Variants in METTL2A observed in about 807,000 individuals in gnomAD.
METTL2A encodes tRNA N(3)-cytidine methyltransferase METTL2A.
Under a neutral mutation model 49.4 loss-of-function variants are expected in METTL2A, and 45 were observed. The observed-to-expected ratio is 0.91, with a 90% CI of 0.72 to 1.17. The LOEUF (loss-of-function observed/expected upper bound fraction) is 1.17, where lower values mean the gene tolerates loss of function less well. Ranked by LOEUF, METTL2A falls within the 50% of genes most tolerant of loss-of-function variation. The pLI, the probability that METTL2A is intolerant of heterozygous loss-of-function variation, is 0.00. For missense variants in METTL2A, 361 were observed against 462.2 expected (o/e 0.78, Z 2.01); for synonymous variants, 118 against 167.5 (o/e 0.70, Z 2.28).
At position 62,449,356 on chromosome 17, in the gene METTL2A, A is replaced by G; in HGVS notation, c.*627A>G. 2.3e-6 allele frequency: 1 copy of G among 441,470 alleles called. No homozygotes were observed. Among genetic ancestry groups the G allele is most frequent in the South Asian group, 1.6e-5 (1 of 62,270 alleles). The allele number at this position is 441,470 out of a possible 1,614,324, so 27.3% of individuals were successfully genotyped here. A position where few individuals can be genotyped will look rare whatever the true frequency, so the allele number is the denominator to read the frequency against. On this transcript the variant is annotated 3_prime_UTR_variant, in exon 9 of 9. Transcript: ENST00000311506. Reference sequence around the variant, plus strand: ...GATATTTTCCTGACAAAAAAAAATGACCCTACAGAGAGCATCAAAATGTGG... The same window carrying G: ...GATATTTTCCTGACAAAAAAAAATGGCCCTACAGAGAGCATCAAAATGTGG...
intron 6 of METTL2A, among the ~76,000 whole-genome samples, chr17:62,442,046 G>A (rs1423624755): frequency 2.6e-5 from 4 of 151,788 alleles, no homozygotes; most frequent in Non-Finnish European, 4.4e-5. Flanking sequence ...GAGCCACCAC[G>A]CCCAGCCTAT....
At chr17:62,427,695 A>G in intron 3 of METTL2A, 93 bp from the exon 4 acceptor site, 3 of 1,588,712 alleles carry the variant, frequency 1.9e-6, no homozygotes, top group Non-Finnish European at 1.7e-6. Flanking sequence ...CAGTTAGGCC[A>G]GATTCTTGTT....
intron 6 of METTL2A, among the ~76,000 whole-genome samples, chr17:62,441,525 C>T (rs1002597165): frequency 1.3e-5 from 2 of 152,124 alleles, no homozygotes; most frequent in Non-Finnish European, 2.9e-5. Context: ...AGGCTCATTG[C>T]AACCTCCACC....
intron 5 of METTL2A, among the ~76,000 whole-genome samples, chr17:62,437,263 G>T (rs1197007760): frequency 6.6e-6 from 1 of 151,544 alleles, no homozygotes; most frequent in Middle Eastern, 3.2e-3. Context: ...GATTCCATTG[G>T]GGTTCTTTGA....
intron 5 of METTL2A, 77 bp from the exon 6 acceptor site, chr17:62,440,540 A>G: frequency 6.6e-7 from 1 of 1,518,108 alleles, no homozygotes; most frequent in Non-Finnish European, 8.8e-7. Flanking sequence ...TTACATTTAA[A>G]ATTTAAAACA....
At chr17:62,425,222 A>G (rs908996830) in intron 2 of METTL2A, among the ~76,000 whole-genome samples, 1 of 151,446 alleles carries the variant, frequency 6.6e-6, no homozygotes, top group Admixed American at 6.6e-5. Context: ...TTGTTAACAC[A>G]CTTCTTAGTG....
rs749955623 is a variant in METTL2A, at chr17:62,448,570, A to G, written c.983-5A>G. On this transcript the variant is annotated splice_region_variant and splice_polypyrimidine_tract_variant and intron_variant, in intron 8 of 8. Coordinates refer to ENST00000311506, the MANE Select transcript of METTL2A (RefSeq NM_181725.4). ...TGCATAAACATCTTTTATTTTCCAC[A>G]CTAGAGGAACTGGACACGCTTTTCA... The G allele has an allele frequency of 6.2e-7, 1 of 1,612,468 alleles. No individual in the cohort carries two copies. Among genetic ancestry groups the G allele is most frequent in the East Asian group, 2.2e-5 (1 of 44,882 alleles).
At position 62,449,270 on chromosome 17, in the gene METTL2A, A is replaced by G. The variant is rs7220895; in HGVS notation, c.*541A>G. 2.3e-3 allele frequency: 809 copies of G among 352,398 alleles called. 7 individuals are homozygous for G. The highest frequency in any genetic ancestry group is 0.016 in the African/African-American group (728 of 44,396). 21.8% of individuals were successfully genotyped at this position (352,398 alleles called of 1,614,324 possible). A position where few individuals can be genotyped will look rare whatever the true frequency, so the allele number is the denominator to read the frequency against. On this transcript the variant is annotated 3_prime_UTR_variant, in exon 9 of 9. Coordinates refer to ENST00000311506, the MANE Select transcript of METTL2A (RefSeq NM_181725.4). Reference sequence around the variant, plus strand: ...GGCTAGGCAATTGCAGTTAATACATACAGAGGTTAGTGAAGGGCTTATTAA... The same window carrying G: ...GGCTAGGCAATTGCAGTTAATACATGCAGAGGTTAGTGAAGGGCTTATTAA...
At chr17:62,429,439 T>C (rs1268844311) in intron 4 of METTL2A, among the ~76,000 whole-genome samples, 2 of 151,884 alleles carry the variant, frequency 1.3e-5, no homozygotes, top group East Asian at 3.9e-4. Flanking sequence ...TAAGGGTGCA[T>C]GCCACCACAC....
chr17:62,444,455 T>C (rs950907919), intron 6 of METTL2A, among the ~76,000 whole-genome samples: 5 of 152,130 alleles, frequency 3.3e-5, no homozygotes, highest in Non-Finnish European at 7.4e-5. Context: ...ACTTTTTGTA[T>C]TTTTAGTAGA....
chr17:62,441,239 T>A (rs1489780539), intron 6 of METTL2A, among the ~76,000 whole-genome samples: 1 of 152,248 alleles, frequency 6.6e-6, no homozygotes, highest in Non-Finnish European at 1.5e-5. Context: ...TGTCTTGATG[T>A]CCAACTTCTG....
chr17:62,438,407 C>CAAAAAAA (rs1232215588), intron 5 of METTL2A, among the ~76,000 whole-genome samples: 2 of 108,606 alleles, frequency 1.8e-5, no homozygotes, highest in South Asian at 6.0e-4. Flanking sequence ...AACTCCATCT[C>CAAAAAAA]AAAAAAAAAA....
At chr17:62,429,628 C>G (rs1231694828) in intron 4 of METTL2A, among the ~76,000 whole-genome samples, 1 of 151,940 alleles carries the variant, frequency 6.6e-6, no homozygotes, top group Admixed American at 6.6e-5. Context: ...AACTCTGTGC[C>G]TGGAACCACA....
At chr17:62,447,342 C>T (rs2070775785) in intron 7 of METTL2A, among the ~76,000 whole-genome samples, 1 of 152,088 alleles carries the variant, frequency 6.6e-6, no homozygotes, top group Non-Finnish European at 1.5e-5. Flanking sequence ...ATCACTTGAA[C>T]CTGGGAGGCA....
In METTL2A at chr17:62,447,886, C is replaced by T. The variant is rs1224317221; in HGVS notation, c.982+120C>T. ...TGCCTTTTAGGCAGGCTGTTTCCTG[C>T]GGTTCCCTGCTGCTCACACCCTCTT... On this transcript the variant is annotated intron_variant, in intron 8 of 8. Transcript: ENST00000311506. The T allele has an allele frequency of 3.7e-5, 57 of 1,549,182 alleles. No individual in the cohort carries two copies. The East Asian group carries it at 5.2e-4, about 14-fold the overall frequency.
chr17:62,430,209 A>G (rs1404785030), intron 4 of METTL2A, among the ~76,000 whole-genome samples: 1 of 152,218 alleles, frequency 6.6e-6, no homozygotes, highest in Admixed American at 6.5e-5. Context: ...CACTGAAGAA[A>G]AGAGATTGTT....
intron 3 of METTL2A, among the ~76,000 whole-genome samples, chr17:62,427,208 C>T (rs145605483): frequency 0.033 from 5,085 of 152,130 alleles, 298 homozygotes; most frequent in African/African-American, 0.11. Flanking sequence ...TGGAACTGGT[C>T]AGCCTTGGGA....
In METTL2A at chr17:62,431,369, T is replaced by C. The variant is rs1455016556; in HGVS notation, c.608+3532T>C. Among the ~76,000 whole-genome samples the C allele has an allele frequency of 3.4e-5, 5 of 147,236 alleles. No homozygotes were observed. In the East Asian group the frequency reaches 7.1e-4, roughly 21 times the overall value. ...CTATTGCCTGGATCCTTTTTTTTTT[T>C]CTTTTGAGACAGGATTTCTGTCACC... On this transcript the variant is annotated intron_variant, in intron 4 of 8. Transcript: ENST00000311506.
In METTL2A at chr17:62,426,320, A is replaced by G; in HGVS notation, c.224A>G (p.His75Arg). 3 of 1,609,030 alleles carry G rather than the reference A, an allele frequency of 1.9e-6. No homozygotes were observed. Among genetic ancestry groups the G allele is most frequent in the South Asian group, 2.2e-5 (2 of 90,806 alleles). ...ACAGTTGATTATGAGATCAATGCCC[A>G]CAAATACTGGAATGACTTCTACAAA... The part of the protein sequence containing the change: ...EKQVDYEINA[H>R]KYWNDFYKIH... Residue 75 changes from histidine to arginine, a missense_variant, in exon 3 of 9, where the codon CAC becomes CGC. This residue lies in a region of METTL2A where 150 missense variants were observed against 170.1 expected (regional missense o/e 0.88). Coordinates refer to ENST00000311506, the MANE Select transcript of METTL2A (RefSeq NM_181725.4).
Sources: gnomAD v4.1 joint callset for allele counts (sites outside exome capture counted in the v4.1 genomes callset) on GRCh38, gnomAD v4.1.1 for gene constraint, gnomAD v4.1.1 regional missense constraint, MANE v1.5 for transcripts, NCBI Gene and HGNC (gene_info 2026-07-23, HGNC 2026-07-21) for gene names.